The following ERC1 variants were observed in gnomAD, a reference collection of about 807,000 sequenced individuals.
ERC1 encodes RAB6 interacting protein 2.
Under a neutral mutation model 132.0 loss-of-function variants are expected in ERC1, and 56 were observed. That is an observed-to-expected ratio of 0.42 (90% CI 0.34 to 0.53). The LOEUF is 0.53. Ranked by LOEUF, ERC1 falls within the 20% of genes least tolerant of loss-of-function variation. The pLI is 0.03. For missense variants in ERC1, 1,202 were observed against 1,349.9 expected (o/e 0.89, Z 1.72); for synonymous variants, 478 against 476.1 (o/e 1.00, Z -0.05).
chr12:1,331,634 A>G (rs2082870160), intron 15 of ERC1, among the ~76,000 whole-genome samples: 1 of 152,172 alleles, frequency 6.6e-6, no homozygotes, highest in Non-Finnish European at 1.5e-5. Context: ...ATAATTAGTC[A>G]TTGGGACAGG....
chr12:1,179,325 A>G (rs908550305), intron 8 of ERC1, among the ~76,000 whole-genome samples: 3 of 152,140 alleles, frequency 2.0e-5, no homozygotes, highest in African/African-American at 7.2e-5. Flanking sequence ...TTTAAAGTAC[A>G]GAACTGGCCA....
At chr12:1,038,432 G>C (rs1969527908) in intron 2 of ERC1, among the ~76,000 whole-genome samples, 1 of 151,936 alleles carries the variant, frequency 6.6e-6, no homozygotes, top group Non-Finnish European at 1.5e-5. Context: ...TGGGATCTCG[G>C]CTCACTGCAA....
At chr12:1,013,538 G>C (rs1037312670) in intron 1 of ERC1, among the ~76,000 whole-genome samples, 1 of 152,020 alleles carries the variant, frequency 6.6e-6, no homozygotes, top group African/African-American at 2.4e-5. Flanking sequence ...AGATAGGTAT[G>C]CTCTGAAACA....
intron 14 of ERC1, among the ~76,000 whole-genome samples, chr12:1,287,911 C>T (rs375400220): frequency 8.5e-5 from 13 of 152,268 alleles, no homozygotes; most frequent in African/African-American, 2.4e-4. Context: ...ATTTATTTCT[C>T]GTTCACATAC....
chr12:1,247,084 T>A (rs2076200879), intron 13 of ERC1, among the ~76,000 whole-genome samples: 1 of 136,106 alleles, frequency 7.3e-6, no homozygotes. Flanking sequence ...AGCCCAGGAG[T>A]TTGAGGTTGC....
At chr12:1,273,013 A>C (rs1047346238) in intron 14 of ERC1, among the ~76,000 whole-genome samples, 2 of 151,738 alleles carry the variant, frequency 1.3e-5, no homozygotes, top group Non-Finnish European at 2.9e-5. Context: ...TATATGCTAT[A>C]AAATCCAGTT....
At chr12:1,467,943 G>A (rs1325042592) in intron 18 of ERC1, among the ~76,000 whole-genome samples, 1 of 152,182 alleles carries the variant, frequency 6.6e-6, no homozygotes, top group Non-Finnish European at 1.5e-5. Context: ...AGTAATGCAC[G>A]CAATGGAGAG....
chr12:1,128,956 G>T (rs1169738844), intron 7 of ERC1, among the ~76,000 whole-genome samples: 1 of 152,142 alleles, frequency 6.6e-6, no homozygotes, highest in Non-Finnish European at 1.5e-5. Context: ...AAGATAGGAA[G>T]ATAGAAATTA....
intron 16 of ERC1, among the ~76,000 whole-genome samples, chr12:1,389,868 T>C (rs1189436726): frequency 6.6e-6 from 1 of 152,234 alleles, no homozygotes; most frequent in African/African-American, 2.4e-5. Flanking sequence ...AAAATCTGTT[T>C]TGCATTCAGT....
rs146293500 is a variant in ERC1 at position 1,391,935 on chromosome 12, C to G, written c.2926-16214C>G. ...GAGCTGCAGGTCACAGCACTCCTGA[C>G]TGGTCTGCCTTCTCTCTGCCTTTTT... On this transcript the variant is annotated intron_variant, in intron 16 of 18. Transcript: ENST00000360905. Among the ~76,000 whole-genome samples the G allele has an allele frequency of 7.3e-3, 1,115 of 152,296 alleles. 11 individuals carry two copies. Among genetic ancestry groups the G allele is most frequent in the African/African-American group, 0.026 (1,066 of 41,552 alleles).
chr12:1,268,767 AAAAG>A (rs2077632931), intron 14 of ERC1, among the ~76,000 whole-genome samples: 2 of 152,326 alleles, frequency 1.3e-5, no homozygotes, highest in South Asian at 2.1e-4. Context: ...CTCCATATAA[AAAAG>A]AAAGAAAGAA....
chr12:991,247 CGGCGGCGGCGGCGGTAGT>C lies in ERC1; in HGVS notation c.-216_-199del, dbSNP rs1432848980. 21 of 158,594 alleles carry C rather than the reference CGGCGGCGGCGGCGGTAGT, an allele frequency of 1.3e-4. No homozygotes were observed. Among genetic ancestry groups the C allele is most frequent in the East Asian group, 5.5e-4 (3 of 5,478 alleles). 9.8% of individuals were successfully genotyped at this position (158,594 alleles called of 1,614,324 possible). On this transcript the variant is annotated 5_prime_UTR_variant, in exon 1 of 19. Coordinates refer to ENST00000360905, the MANE Select transcript of ERC1 (RefSeq NM_178040.4). ...CGCGGGCGCCTGGGCCGTGCTGTGG[CGGCGGCGGCGGCGGTAGT>C]GGCGGCGGCGGCGGTGCCTGGGCGG...
At chr12:1,489,194 A>G (rs1244366267) in intron 18 of ERC1, among the ~76,000 whole-genome samples, 2 of 152,202 alleles carry the variant, frequency 1.3e-5, no homozygotes, top group East Asian at 1.9e-4. Flanking sequence ...GATCTGGGCC[A>G]GGCCTGTCCC....
intron 11 of ERC1, 45 bp from the exon 12 acceptor site, chr12:1,189,814 G>A (rs1408918873): frequency 1.4e-6 from 2 of 1,480,796 alleles, no homozygotes; most frequent in Admixed American, 2.2e-5. Flanking sequence ...TTTGCCCATT[G>A]CCACCTGTGT....
At chr12:1,278,229 T>C (rs1231000759) in intron 14 of ERC1, among the ~76,000 whole-genome samples, 2 of 152,250 alleles carry the variant, frequency 1.3e-5, no homozygotes, top group East Asian at 3.8e-4. Context: ...GTTAAATGGC[T>C]GTACCCTGCC....
chr12:1,432,664 A>G (rs760243141), intron 17 of ERC1, among the ~76,000 whole-genome samples: 85 of 152,322 alleles, frequency 5.6e-4, no homozygotes, highest in Middle Eastern at 6.8e-3. Context: ...AAACCCATTA[A>G]TACACTGTTA....
At chr12:1,232,972 G>C (rs1019078428) in intron 12 of ERC1, among the ~76,000 whole-genome samples, 4 of 152,036 alleles carry the variant, frequency 2.6e-5, no homozygotes, top group Non-Finnish European at 5.9e-5. Context: ...TACCCATATA[G>C]GGGAATCATG....
chr12:1,353,304 A>C (rs1196686193), intron 15 of ERC1, among the ~76,000 whole-genome samples: 2 of 152,140 alleles, frequency 1.3e-5, no homozygotes, highest in African/African-American at 4.8e-5. Context: ...TACTGGGATT[A>C]CAGGCGTGAG....
At chr12:1,191,339 C>T (rs540225432) in intron 12 of ERC1, among the ~76,000 whole-genome samples, 1 of 152,278 alleles carries the variant, frequency 6.6e-6, no homozygotes, top group African/African-American at 2.4e-5. Context: ...TCACCCATTA[C>T]GTGCTTACGT....
Sources: gnomAD v4.1 joint callset for allele counts (sites outside exome capture counted in the v4.1 genomes callset) on GRCh38, gnomAD v4.1.1 for gene constraint, MANE v1.5 for transcripts, NCBI Gene and HGNC (gene_info 2026-07-23, HGNC 2026-07-21) for gene names.